Variants in EXOC3L1 observed in about 807,000 individuals in gnomAD.
EXOC3L1 encodes exocyst complex component 3 like 1, also known as exocyst complex component 3-like protein.
EXOC3L1 carries 79 observed loss-of-function variants against 83.6 expected under a neutral mutation model. The ratio of observed to expected loss-of-function variants is 0.95; its 90% confidence interval spans 0.79 to 1.14. EXOC3L1 has a LOEUF of 1.14. Ranked by LOEUF, EXOC3L1 falls within the 50% of genes most tolerant of loss-of-function variation. The pLI is 0.00. For synonymous variants in EXOC3L1, 433 were observed against 451.2 expected (o/e 0.96, Z 0.51); for missense variants, 945 against 972.0 (o/e 0.97, Z 0.37).
rs750823986 is a variant in EXOC3L1 at position 67,187,359 on chromosome 16, G to A, written c.906C>T (p.Tyr302=). The part of the protein sequence containing the change: ...ALVAPCCPPQ[Y]NVVQLWAHTL... ...TGTGGGCCCATAGCTGGACCACGTT[G>A]TACTGTGGCGGGCAGCAAGGCGCTA... The change falls in exon 5 of 14, where the codon TAC becomes TAT. Residue 302 remains tyrosine, a synonymous_variant. Coordinates refer to ENST00000314586, the MANE Select transcript of EXOC3L1 (RefSeq NM_178516.4). 6.8e-6 allele frequency: 11 copies of A among 1,612,782 alleles called. No individual in the cohort carries two copies. Among genetic ancestry groups the A allele is most frequent in the Non-Finnish European group, 9.3e-6 (11 of 1,180,012 alleles).
intron 4 of EXOC3L1, 33 bp from the exon 5 acceptor site, chr16:67,187,870 C>A: frequency 6.5e-7 from 1 of 1,539,012 alleles, no homozygotes; most frequent in South Asian, 1.2e-5. Flanking sequence ...GGCCCTGGGT[C>A]TCAGCCTTCC....
Position 67,189,387 on chromosome 16 carries a change from C to T in EXOC3L1, c.47-207G>A, listed in dbSNP as rs559325692. 1.2e-4 allele frequency among the ~76,000 whole-genome samples: 19 copies of T among 152,354 alleles called. No individual in the cohort carries two copies. In the South Asian group the frequency reaches 3.9e-3, roughly 32 times the overall value. On this transcript the variant is annotated intron_variant, in intron 2 of 13. Coordinates refer to ENST00000314586, the MANE Select transcript of EXOC3L1 (RefSeq NM_178516.4). Reference sequence around the variant, plus strand: ...CGCCTCCCGGGTTCAAGCGATTCTCCTGCCTCAGTCTCCCGAGGAGCTGGG... The same window carrying T: ...CGCCTCCCGGGTTCAAGCGATTCTCTTGCCTCAGTCTCCCGAGGAGCTGGG...
At chr16:67,188,619 G>T in intron 4 of EXOC3L1, 102 bp downstream of exon 4, 1 of 1,146,790 alleles carries the variant, frequency 8.7e-7, no homozygotes, top group Non-Finnish European at 1.2e-6. Flanking sequence ...CTGGTGTGCT[G>T]CTCTATGCAG....
In EXOC3L1 at chr16:67,189,613, C is replaced by G. The variant is rs761786910; in HGVS notation, c.46+18G>C. The G allele has an allele frequency of 6.2e-7, 1 of 1,613,916 alleles. No individual in the cohort carries two copies. ...TGTTGCCATCATTCCTCCCCTAGTCCACCCAAAAGGTTCATACCAGGGGAC... is the reference window on the plus strand; with the variant it reads ...TGTTGCCATCATTCCTCCCCTAGTCGACCCAAAAGGTTCATACCAGGGGAC... On this transcript the variant is annotated intron_variant, in intron 2 of 13. Transcript: ENST00000314586.
chr16:67,187,237 T>A lies in EXOC3L1; in HGVS notation c.1028A>T (p.His343Leu). Reference protein sequence around the residue: ...DAFALLHWALHVYLGQEMMGS... With the variant: ...DAFALLHWALLVYLGQEMMGS... ...CAAAGGCACTGACCCCAGGTACACATGCAGTGCCCAGTGCAGCAAGGCGAA... is the reference window on the plus strand; with the variant it reads ...CAAAGGCACTGACCCCAGGTACACAAGCAGTGCCCAGTGCAGCAAGGCGAA... Residue 343 changes from histidine to leucine, a missense_variant, in exon 5 of 14, where the codon CAT becomes CTT. Transcript: ENST00000314586. 6.2e-7 allele frequency: 1 copy of A among 1,611,010 alleles called. No homozygotes were observed. Among genetic ancestry groups the A allele is most frequent in the South Asian group, 1.1e-5 (1 of 91,044 alleles).
At chr16:67,188,671 T>A in intron 4 of EXOC3L1, 50 bp downstream of exon 4, 1 of 1,544,260 alleles carries the variant, frequency 6.5e-7, no homozygotes. Context: ...GGGATGGGTG[T>A]TTGTGGACTG....
In EXOC3L1 at chr16:67,185,639, G is replaced by A. The variant is rs139443636; in HGVS notation, c.1497-149C>T. ...TCTCTGCACTTCTGGTCCCAGGCAT[G>A]GACCAGGGCTGGGAGACGGGCGCTT... On this transcript the variant is annotated intron_variant, in intron 9 of 13. Transcript: ENST00000314586. 7.7e-5 allele frequency: 55 copies of A among 718,924 alleles called. No homozygotes were observed. The African/African-American group carries it at 8.7e-4, about 11-fold the overall frequency. The allele number at this position is 718,924 out of a possible 1,614,324, so 44.5% of individuals were successfully genotyped here. A position where few individuals can be genotyped will look rare whatever the true frequency, so the allele number is the denominator to read the frequency against.
At position 67,185,216 on chromosome 16, in the gene EXOC3L1, G is replaced by A. The variant is rs2032662911; in HGVS notation, c.1669C>T (p.Pro557Ser). The change falls in exon 11 of 14, where the codon CCT becomes TCT. Residue 557 changes from proline (P) to serine (S), a missense_variant. Transcript: ENST00000314586. The stretch of plus-strand genomic sequence containing the variant: ...TCACACACACTTTGCAGGAGCTCAG[G>A]GCTCGACAGCCATTGGCGCGAGGGC... The part of the protein sequence containing the change: ...DLPSRQWLSS[P>S]ELLQSVCERT... The A allele has an allele frequency of 1.2e-6, 2 of 1,613,340 alleles. No individual in the cohort carries two copies. The highest frequency in any genetic ancestry group is 1.7e-5 in the Admixed American group (1 of 59,996).
chr16:67,184,821 CG>C lies in EXOC3L1; in HGVS notation c.1906-12del. On this transcript the variant is annotated splice_polypyrimidine_tract_variant and intron_variant, in intron 12 of 13. Coordinates refer to ENST00000314586, the MANE Select transcript of EXOC3L1 (RefSeq NM_178516.4). The stretch of plus-strand genomic sequence containing the variant: ...GTTCTCCTCCAGGCCCTGAGCACGT[CG>C]GGGTAGGGTCTCGCGCCAGCCCTCT... 2 of 1,604,314 alleles carry C rather than the reference CG, an allele frequency of 1.2e-6. No individual in the cohort carries two copies. The highest frequency in any genetic ancestry group is 8.5e-7 in the Non-Finnish European group (1 of 1,179,668).
At chr16:67,185,847 G>C (rs2032698086) in intron 9 of EXOC3L1, among the ~76,000 whole-genome samples, 1 of 152,172 alleles carries the variant, frequency 6.6e-6, no homozygotes. Context: ...TACCACCCAA[G>C]AGGAAGGGAG....
At position 67,186,648 on chromosome 16, in the gene EXOC3L1, C is replaced by T. The variant is rs149152216; in HGVS notation, c.1294G>A (p.Glu432Lys). Residue 432 changes from glutamate to lysine, a missense_variant, in exon 8 of 14, where the codon GAG (glutamate) becomes AAG (lysine). By Grantham distance (56) the Glu-to-Lys change is moderately conservative. Coordinates refer to ENST00000314586, the MANE Select transcript of EXOC3L1 (RefSeq NM_178516.4). ...ACCAGGCTGGCCACACGAATGTTCT[C>T]TTCCAGGATCTGCAGGCAGAAATGA... ...MPAIVLQILE[E>K]NIRVASLVSE... 186 of 1,614,108 alleles carry T rather than the reference C, an allele frequency of 1.2e-4. No homozygotes were observed. In the African/African-American group the frequency reaches 2.0e-3, roughly 18 times the overall value.
chr16:67,186,716 G>A lies in EXOC3L1; in HGVS notation c.1284+43C>T. 1.9e-6 allele frequency: 3 copies of A among 1,613,402 alleles called. No homozygotes were observed. In the South Asian group the frequency reaches 3.3e-5, roughly 18 times the overall value. ...CTCCCTCCTTCCTCTCCTCCCCACTGCCCCATGGAGGCTGCCTGCCTGTCT... is the reference window on the plus strand; with the variant it reads ...CTCCCTCCTTCCTCTCCTCCCCACTACCCCATGGAGGCTGCCTGCCTGTCT... On this transcript the variant is annotated intron_variant, in intron 7 of 13. Transcript: ENST00000314586.
At position 67,185,341 on chromosome 16, in the gene EXOC3L1, T is replaced by C; in HGVS notation, c.1626+20A>G. Reference sequence around the variant, plus strand: ...GCCACCTCTCCACCTGCTCCCATCCTGACCTGAAGGAGGCCTCACCTGGAG... The same window carrying C: ...GCCACCTCTCCACCTGCTCCCATCCCGACCTGAAGGAGGCCTCACCTGGAG... On this transcript the variant is annotated intron_variant, in intron 10 of 13. Coordinates refer to ENST00000314586, the MANE Select transcript of EXOC3L1 (RefSeq NM_178516.4). The C allele has an allele frequency of 6.2e-7, 1 of 1,612,928 alleles. No homozygotes were observed. Among genetic ancestry groups the C allele is most frequent in the Non-Finnish European group, 8.5e-7 (1 of 1,180,024 alleles).
Position 67,187,506 on chromosome 16 carries a change from C to A in EXOC3L1, c.759G>T (p.Gln253His). The A allele has an allele frequency of 1.2e-6, 2 of 1,603,552 alleles. 1 individual carries two copies. Among genetic ancestry groups the A allele is most frequent in the South Asian group, 2.2e-5 (2 of 90,970 alleles). The change falls in exon 5 of 14, where the codon CAG (glutamine) becomes CAT (histidine). Residue 253 changes from glutamine (Q) to histidine (H), a missense_variant. Gln to His is a conservative substitution (Grantham distance 24). Coordinates refer to ENST00000314586, the MANE Select transcript of EXOC3L1 (RefSeq NM_178516.4). ...DWRQRCLRALQEGLEQAHFGS... is the reference protein window; with the variant it reads ...DWRQRCLRALHEGLEQAHFGS... ...CAAAGTGGGCCTGCTCCAGGCCCTC[C>A]TGTAGTGCCCTCAGACAGCGCTGAC...
In EXOC3L1 at chr16:67,184,730, C is replaced by T. The variant is rs2032633844; in HGVS notation, c.1986G>A (p.Leu662=). 1.9e-6 allele frequency: 3 copies of T among 1,585,040 alleles called. No homozygotes were observed. In the East Asian group the frequency reaches 6.7e-5, roughly 36 times the overall value. The part of the protein sequence containing the change: ...ELLNLRDPAL[L]GLEVAGLRQQ... ...GCCGCAGGCCAGCCACCTCCAGGCC[C>T]AGCAGCGCGGGGTCGCGGAGGTTTA... is the stretch of plus-strand genomic sequence containing the variant. The change falls in exon 13 of 14, where the codon CTG becomes CTA. Residue 662 remains leucine (L), a synonymous_variant. Transcript: ENST00000314586.
chr16:67,189,747 G>T (rs2032831728), intron 1 of EXOC3L1, 64 bp from the exon 2 acceptor site: 1 of 1,509,228 alleles, frequency 6.6e-7, no homozygotes, highest in South Asian at 1.2e-5. Context: ...CCTGTGAGCT[G>T]CTGCCTCTGT....
At position 67,187,229 on chromosome 16, in the gene EXOC3L1, G is replaced by T; in HGVS notation, c.1036C>A (p.Leu346Met). 3 of 1,610,252 alleles carry T rather than the reference G, an allele frequency of 1.9e-6. No homozygotes were observed. Among genetic ancestry groups the T allele is most frequent in the Non-Finnish European group, 2.5e-6 (3 of 1,177,700 alleles). Residue 346 changes from leucine to methionine, a missense_variant, in exon 5 of 14, where the codon CTG (leucine) becomes ATG (methionine). Coordinates refer to ENST00000314586, the MANE Select transcript of EXOC3L1 (RefSeq NM_178516.4). The part of the protein sequence containing the change: ...ALLHWALHVY[L>M]GQEMMGSLEL... ...CGCTGCCCCAAAGGCACTGACCCCA[G>T]GTACACATGCAGTGCCCAGTGCAGC...
At position 67,187,121 on chromosome 16, in the gene EXOC3L1, C is replaced by A. The variant is rs776995100; in HGVS notation, c.1058G>T (p.Ser353Ile). The A allele has an allele frequency of 1.9e-6, 3 of 1,613,394 alleles. No homozygotes were observed. In the Admixed American group the frequency reaches 5.0e-5, roughly 27 times the overall value. The change falls in exon 6 of 14, where the codon AGC becomes ATC. Residue 353 changes from serine to isoleucine, a missense_variant. Coordinates refer to ENST00000314586, the MANE Select transcript of EXOC3L1 (RefSeq NM_178516.4). Reference sequence around the variant, plus strand: ...ATCAGCCTCAGGCCCCAACTCCAGGCTCCCCATCATTTCCTGCCTGGAGAT... The same window carrying A: ...ATCAGCCTCAGGCCCCAACTCCAGGATCCCCATCATTTCCTGCCTGGAGAT... ...HVYLGQEMMGSLELGPEADVS... is the reference protein window; with the variant it reads ...HVYLGQEMMGILELGPEADVS...
chr16:67,187,340 C>A lies in EXOC3L1; in HGVS notation c.925G>T (p.Ala309Ser). The A allele has an allele frequency of 6.2e-7, 1 of 1,612,896 alleles. No individual in the cohort carries two copies. Among genetic ancestry groups the A allele is most frequent in the Non-Finnish European group, 8.5e-7 (1 of 1,180,014 alleles). The change falls in exon 5 of 14, where the codon GCC becomes TCC. Residue 309 changes from alanine (A) to serine (S), a missense_variant. Coordinates refer to ENST00000314586, the MANE Select transcript of EXOC3L1 (RefSeq NM_178516.4). ...PPQYNVVQLW[A>S]HTLHSGLRRS... is the part of the protein sequence containing the mutation. ...CGCAAACCACTATGCAGCGTGTGGG[C>A]CCATAGCTGGACCACGTTGTACTGT...
Sources: allele counts gnomAD v4.1 joint callset (sites outside exome capture counted in the v4.1 genomes callset), GRCh38; gene constraint gnomAD v4.1.1; transcripts MANE v1.5; gene names NCBI Gene and HGNC (gene_info 2026-07-23, HGNC 2026-07-21).